Variants in DNAJC6 observed in about 807,000 individuals in gnomAD.
DNAJC6 encodes auxilin.
DNAJC6 carries 34 observed loss-of-function variants against 110.0 expected under a neutral mutation model. The ratio of observed to expected loss-of-function variants is 0.31; its 90% CI spans 0.24 to 0.41. The LOEUF (loss-of-function observed/expected upper bound fraction) is 0.41. Ranked by LOEUF, DNAJC6 falls within the 10% of genes least tolerant of loss-of-function variation. The pLI, the probability that DNAJC6 is intolerant of heterozygous loss-of-function variation, is 1.00. For synonymous variants in DNAJC6, 406 were observed against 437.2 expected, an observed-to-expected ratio of 0.93 and a Z score of 0.89; for missense variants, 1,031 against 1,207.8, an observed-to-expected ratio of 0.85 and a Z score of 2.17.
rs1479711454 is a variant in DNAJC6, at chr1:65,334,338, G to C, written c.193+24400G>C. 2.0e-5 allele frequency among the ~76,000 whole-genome samples: 3 copies of C among 152,328 alleles called. No individual in the cohort carries two copies. In the East Asian group the frequency reaches 5.8e-4, roughly 29 times the overall value. ...TGTAATGCATGCAACTTTCAGAATT[G>C]TTGCTGGAGACAGCAAAAATACTCT... On this transcript the variant is annotated intron_variant, in intron 1 of 18. Coordinates refer to ENST00000371069, the MANE Select transcript of DNAJC6 (RefSeq NM_001256864.2).
At position 65,414,983 on chromosome 1, in the gene DNAJC6, C is replaced by T. The variant is rs1646158489; in HGVS notation, c.*1958C>T. On this transcript the variant is annotated 3_prime_UTR_variant, in exon 19 of 19. Transcript: ENST00000371069. ...GTTCACAGTTTAAAACATCATTAAA[C>T]ATTATGTAATTACAATGAGAAAGAA... is the stretch of plus-strand genomic sequence containing the variant. The T allele has an allele frequency of 1.3e-5, 2 of 152,386 alleles. No individual in the cohort carries two copies. Among genetic ancestry groups the T allele is most frequent in the Non-Finnish European group, 2.9e-5 (2 of 68,030 alleles). 9.4% of individuals were successfully genotyped at this position (152,386 alleles called of 1,614,324 possible).
chr1:65,322,828 A>G (rs1645208904), intron 1 of DNAJC6, among the ~76,000 whole-genome samples: 1 of 152,226 alleles, frequency 6.6e-6, no homozygotes, highest in African/African-American at 2.4e-5. Flanking sequence ...GGTTTACTTG[A>G]AACTGGCATT....
Position 65,389,627 on chromosome 1 carries a change from G to C in DNAJC6, c.1468G>C (p.Asp490His). The C allele has an allele frequency of 6.2e-7, 1 of 1,613,802 alleles. No individual in the cohort carries two copies. The highest frequency in any genetic ancestry group is 8.5e-7 in the Non-Finnish European group (1 of 1,179,726). Residue 490 changes from aspartate to histidine, a missense_variant and splice_region_variant, in exon 11 of 19, where the codon GAT (aspartate) becomes CAT (histidine). Transcript: ENST00000371069. The part of the protein sequence containing the change: ...SGFFASLCWQ[D>H]QKSEKSFCEE... The stretch of plus-strand genomic sequence containing the variant: ...TTTCTTTGCCTCTCTCTGTTGGCAA[G>C]GTATTTACAAGTGTTTCTTTAAGTC...
intron 16 of DNAJC6, among the ~76,000 whole-genome samples, chr1:65,406,658 G>A (rs1374544709): frequency 6.6e-6 from 1 of 152,134 alleles, no homozygotes; most frequent in African/African-American, 2.4e-5. Context: ...TGCTCTGCTT[G>A]GTGGATTCCT....
intron 1 of DNAJC6, among the ~76,000 whole-genome samples, chr1:65,352,360 G>C (rs1645499226): frequency 6.6e-6 from 1 of 152,056 alleles, no homozygotes; most frequent in Non-Finnish European, 1.5e-5. Context: ...CCGACATTTG[G>C]ATATATCCTA....
chr1:65,366,126 G>T lies in DNAJC6; in HGVS notation c.473G>T (p.Arg158Ile). 1 of 1,613,842 alleles carries T rather than the reference G, an allele frequency of 6.2e-7. No individual in the cohort carries two copies. The highest frequency in any genetic ancestry group is 8.5e-7 in the Non-Finnish European group (1 of 1,179,836). ...VDDIRSFLDS[R>I]HLDHYTVYNL... ...GACATTCGAAGCTTTTTGGATTCCA[G>T]ACATCTTGACCACTACACAGTATAC... The change falls in exon 4 of 19, where the codon AGA (arginine) becomes ATA (isoleucine). Residue 158 changes from arginine (R) to isoleucine (I), a missense_variant. Physicochemically the swap from Arg to Ile is moderately conservative, Grantham distance 97 (BLOSUM62 -3). Transcript: ENST00000371069.
rs1289298917 is a variant in DNAJC6, at chr1:65,415,776, C to T, written c.*2751C>T. On this transcript the variant is annotated 3_prime_UTR_variant, in exon 19 of 19. Coordinates refer to ENST00000371069, the MANE Select transcript of DNAJC6 (RefSeq NM_001256864.2). Reference sequence around the variant, plus strand: ...TTGAATCCTAATGCCGTGAATGAAACACAGTCTGTGTAGGGAATGAGCAAA... The same window carrying T: ...TTGAATCCTAATGCCGTGAATGAAATACAGTCTGTGTAGGGAATGAGCAAA... 1 of 152,202 alleles carries T rather than the reference C, an allele frequency of 6.6e-6. No homozygotes were observed. The highest frequency in any genetic ancestry group is 1.5e-5 in the Non-Finnish European group (1 of 68,036). The allele number at this position is 152,202 out of a possible 1,614,324, so 9.4% of individuals were successfully genotyped here. A position where few individuals can be genotyped will look rare whatever the true frequency, so the allele number is the denominator to read the frequency against.
At chr1:65,286,160 T>C (rs779855239) in intron 1 of DNAJC6, among the ~76,000 whole-genome samples, 11 of 152,262 alleles carry the variant, frequency 7.2e-5, no homozygotes, top group Non-Finnish European at 1.2e-4. Context: ...TCTTCTCTCA[T>C]ACAACCAAAA....
rs138338673 is a variant in DNAJC6 at position 65,398,822 on chromosome 1, C to T, written c.2048C>T (p.Thr683Met). Residue 683 changes from threonine to methionine, a missense_variant, in exon 14 of 19, where the codon ACG becomes ATG. Coordinates refer to ENST00000371069, the MANE Select transcript of DNAJC6 (RefSeq NM_001256864.2). The part of the protein sequence containing the change: ...SPSPTVHASS[T>M]PAVNIQPDVS... The stretch of plus-strand genomic sequence containing the variant: ...TTTTCCCCATTTGCAGCTTCTAGTA[C>T]GCCTGCTGTGAACATTCAGCCAGAT... The T allele has an allele frequency of 2.5e-5, 40 of 1,614,026 alleles. No homozygotes were observed. The highest frequency in any genetic ancestry group is 1.7e-4 in the Middle Eastern group (1 of 6,060).
intron 1 of DNAJC6, among the ~76,000 whole-genome samples, chr1:65,295,449 T>C (rs1644920478): frequency 6.6e-6 from 1 of 152,176 alleles, no homozygotes; most frequent in African/African-American, 2.4e-5. Context: ...AAAGCCATGG[T>C]TGACCTAGCT....
rs999052336 is a variant in DNAJC6 at position 65,414,441 on chromosome 1, G to A, written c.*1416G>A. 2.0e-5 allele frequency: 3 copies of A among 152,654 alleles called. No individual in the cohort carries two copies. Among genetic ancestry groups the A allele is most frequent in the Middle Eastern group, 3.4e-3 (1 of 294 alleles). 9.5% of individuals were successfully genotyped at this position (152,654 alleles called of 1,614,324 possible). A position where few individuals can be genotyped will look rare whatever the true frequency, so the allele number is the denominator to read the frequency against. On this transcript the variant is annotated 3_prime_UTR_variant, in exon 19 of 19. Transcript: ENST00000371069. ...AAGATTTTCATGCTAATCTTCAAAG[G>A]TTCATGCTCAATATTGTGAAAAGCT...
At chr1:65,396,889 T>G (rs1356937329) in intron 13 of DNAJC6, among the ~76,000 whole-genome samples, 1 of 152,194 alleles carries the variant, frequency 6.6e-6, no homozygotes, top group Non-Finnish European at 1.5e-5. Context: ...TCAAAGTTTC[T>G]TTGATGCACA....
chr1:65,351,841 A>G (rs979027237), intron 1 of DNAJC6, among the ~76,000 whole-genome samples: 6 of 152,044 alleles, frequency 3.9e-5, no homozygotes, highest in African/African-American at 9.7e-5. Context: ...TCTCGGCTCA[A>G]TGCAACCTCT....
At chr1:65,396,639 C>T (rs535941609) in intron 13 of DNAJC6, among the ~76,000 whole-genome samples, 10 of 152,192 alleles carry the variant, frequency 6.6e-5, no homozygotes, top group Non-Finnish European at 1.2e-4. Context: ...CGTCTCCCTG[C>T]CCTACTCTAC....
chr1:65,332,282 A>G (rs967472928), intron 1 of DNAJC6, among the ~76,000 whole-genome samples: 1 of 152,218 alleles, frequency 6.6e-6, no homozygotes, highest in African/African-American at 2.4e-5. Context: ...GGAAGGGGCA[A>G]TGGAAACCTT....
chr1:65,291,374 T>C (rs568300807), intron 1 of DNAJC6, among the ~76,000 whole-genome samples: 1 of 152,226 alleles, frequency 6.6e-6, no homozygotes, highest in Non-Finnish European at 1.5e-5. Context: ...ATATTCATCA[T>C]GTGAAATTCT....
At chr1:65,281,439 C>T (rs963514782) in intron 1 of DNAJC6, among the ~76,000 whole-genome samples, 1 of 152,116 alleles carries the variant, frequency 6.6e-6, no homozygotes, top group African/African-American at 2.4e-5. Flanking sequence ...CTCCCCCTAG[C>T]CCCTGGCAAC....
chr1:65,350,304 T>C (rs1645478807), intron 1 of DNAJC6, among the ~76,000 whole-genome samples: 1 of 152,214 alleles, frequency 6.6e-6, no homozygotes, highest in South Asian at 2.1e-4. Context: ...AAAATTTTCA[T>C]TTCAGATATT....
intron 13 of DNAJC6, among the ~76,000 whole-genome samples, chr1:65,395,937 CTATTGAACAT>C (rs1645972830): frequency 6.6e-6 from 1 of 152,138 alleles, no homozygotes; most frequent in Admixed American, 6.5e-5. Flanking sequence ...ATGTCGAAGT[CTATTGAACAT>C]TATTGGCCAC....
Sources: allele counts gnomAD v4.1 joint callset (sites outside exome capture counted in the v4.1 genomes callset), GRCh38; gene constraint gnomAD v4.1.1; transcripts MANE v1.5; gene names NCBI Gene and HGNC (gene_info 2026-07-23, HGNC 2026-07-21).